The following PHEX variants were observed in gnomAD, a reference collection of about 807,000 sequenced individuals.
PHEX encodes phosphate-regulating neutral endopeptidase PHEX.
PHEX carries 16 observed loss-of-function variants against 68.0 expected under a neutral mutation model. That is an observed-to-expected ratio of 0.24 (90% CI 0.16 to 0.36). PHEX has a LOEUF of 0.36. Ranked by LOEUF, PHEX falls within the 10% of genes least tolerant of loss-of-function variation. PHEX has a pLI of 1.00. For synonymous variants in PHEX, 208 were observed against 205.1 expected, an observed-to-expected ratio of 1.01 and a Z score of -0.12; for missense variants, 480 against 575.5, an observed-to-expected ratio of 0.83 and a Z score of 1.70.
At chrX:22,049,928 C>T (rs1927739395) in intron 3 of PHEX, among the ~76,000 whole-genome samples, 1 of 111,656 alleles carries the variant, frequency 9.0e-6, no homozygotes, top group Non-Finnish European at 1.9e-5. Flanking sequence ...ATAACTTTTT[C>T]CCATCAACTG....
chrX:22,058,782 T>C (rs73635594), intron 3 of PHEX, among the ~76,000 whole-genome samples: 9,577 of 111,858 alleles, frequency 0.086, 572 homozygotes, highest in African/African-American at 0.22. Flanking sequence ...CTTCTCTGGA[T>C]GCCACTTAAA....
At chrX:22,107,232 A>G (rs746430749) in intron 9 of PHEX, among the ~76,000 whole-genome samples, 5 of 111,628 alleles carry the variant, frequency 4.5e-5, no homozygotes, top group African/African-American at 1.6e-4. Flanking sequence ...TGCTTCTCAA[A>G]CCCCAGTATA....
At chrX:22,169,257 C>A (rs1602355287) in intron 13 of PHEX, among the ~76,000 whole-genome samples, 1 of 111,817 alleles carries the variant, frequency 8.9e-6, no homozygotes, top group East Asian at 2.8e-4. Context: ...AATCTTCCTC[C>A]ATTGGGCTCT....
At chrX:22,134,327 A>C (rs771332872) in intron 12 of PHEX, among the ~76,000 whole-genome samples, 2 of 112,743 alleles carry the variant, frequency 1.8e-5, no homozygotes, top group South Asian at 7.3e-4. Flanking sequence ...GCAGTGGCTC[A>C]CGCCTGTAAT....
intron 9 of PHEX, among the ~76,000 whole-genome samples, chrX:22,108,216 G>A (rs1340979772): frequency 9.0e-6 from 1 of 111,671 alleles, no homozygotes; most frequent in Non-Finnish European, 1.9e-5. Flanking sequence ...TTAGTGCAGT[G>A]GTGTCTTAGG....
At chrX:22,053,410 C>G (rs945075652) in intron 3 of PHEX, among the ~76,000 whole-genome samples, 9 of 111,769 alleles carry the variant, frequency 8.1e-5, no homozygotes, top group African/African-American at 2.6e-4. Flanking sequence ...AAGTGAGCAA[C>G]CTGGCTTTGT....
At chrX:22,212,719 C>T (rs754676376) in intron 15 of PHEX, among the ~76,000 whole-genome samples, 185 bp from the exon 16 acceptor site, 1 of 112,011 alleles carries the variant, frequency 8.9e-6, no homozygotes, top group South Asian at 3.7e-4. Flanking sequence ...ACCTTTAATA[C>T]ACTTACTTAT....
intron 3 of PHEX, among the ~76,000 whole-genome samples, chrX:22,060,154 CAAAA>C (rs34000062): frequency 1.4e-5 from 1 of 69,954 alleles, no homozygotes. Context: ...AGCCCTGTCT[CAAAA>C]AAAAAAAAAA....
intron 9 of PHEX, among the ~76,000 whole-genome samples, chrX:22,109,991 T>C (rs2147060244): frequency 8.9e-6 from 1 of 111,812 alleles, no homozygotes; most frequent in East Asian, 2.8e-4. Flanking sequence ...AAAGATAAAA[T>C]CACAGACCTT....
At position 22,032,952 on chromosome X, in the gene PHEX, C is replaced by A; in HGVS notation, c.-54C>A. ...GTCAACGCCTCGCTCTTGAGACCAG[C>A]CACCAAACCACGAAAAGTGACTTTC... On this transcript the variant is annotated 5_prime_UTR_variant, in exon 1 of 22. Coordinates refer to ENST00000379374, the MANE Select transcript of PHEX (RefSeq NM_000444.6). The A allele has an allele frequency of 1.1e-6, 1 of 941,179 alleles. No individual in the cohort carries two copies. The highest frequency in any genetic ancestry group is 1.5e-6 in the Non-Finnish European group (1 of 649,096). 77.6% of individuals were successfully genotyped at this position (941,179 alleles called of 1,213,427 possible). A position where few individuals can be genotyped will look rare whatever the true frequency, so the allele number is the denominator to read the frequency against.
At chrX:22,070,879 T>C (rs975856855) in intron 3 of PHEX, among the ~76,000 whole-genome samples, 9 of 112,238 alleles carry the variant, frequency 8.0e-5, no homozygotes, top group African/African-American at 2.9e-4. Context: ...CAATCAAGGT[T>C]CTTGGTAGGT....
Position 22,190,342 on chromosome X carries a change from C to T in PHEX, c.1587-102C>T, listed in dbSNP as rs1201009629. On this transcript the variant is annotated intron_variant, in intron 14 of 21. Coordinates refer to ENST00000379374, the MANE Select transcript of PHEX (RefSeq NM_000444.6). ...CTCATGTCCAACATCCCCATTGTTC[C>T]ATGTTATCTGCTAATAAACCCAGCC... is the stretch of plus-strand genomic sequence containing the variant. 4 of 589,369 alleles carry T rather than the reference C, an allele frequency of 6.8e-6. No homozygotes were observed. In the East Asian group the frequency reaches 1.3e-4, roughly 19 times the overall value. The allele number at this position is 589,369 out of a possible 1,213,427, so 48.6% of individuals were successfully genotyped here.
At chrX:22,144,268 A>T (rs1231772879) in intron 12 of PHEX, among the ~76,000 whole-genome samples, 1 of 111,342 alleles carries the variant, frequency 9.0e-6, no homozygotes, top group East Asian at 2.8e-4. Flanking sequence ...AACATGCTCC[A>T]TTATAGTGTC....
Position 22,032,587 on chromosome X carries a change from T to G in PHEX, c.-419T>G. 3 of 131,968 alleles carry G rather than the reference T, an allele frequency of 2.3e-5. No homozygotes were observed. The highest frequency in any genetic ancestry group is 4.6e-5 in the Non-Finnish European group (3 of 65,033). 10.9% of individuals were successfully genotyped at this position (131,968 alleles called of 1,213,427 possible). On this transcript the variant is annotated 5_prime_UTR_variant, in exon 1 of 22. Coordinates refer to ENST00000379374, the MANE Select transcript of PHEX (RefSeq NM_000444.6). ...CCTAACTTATCATGATTTGGGGGAG[T>G]TTCACGAGAATCCAGTTTTGATAAA...
chrX:22,237,536 C>G (rs1936024118), intron 20 of PHEX, among the ~76,000 whole-genome samples: 1 of 111,628 alleles, frequency 9.0e-6, no homozygotes, highest in Non-Finnish European at 1.9e-5. Context: ...AATAATCTAA[C>G]TAGCCTCTAA....
At chrX:22,172,825 T>A (rs1434790656) in intron 13 of PHEX, 2 of 111,742 alleles carry the variant, frequency 1.8e-5, no homozygotes, top group Non-Finnish European at 3.8e-5. Context: ...AGGACCAAAG[T>A]CAGAATCATG....
At chrX:22,213,610 T>C (rs1934999896) in intron 16 of PHEX, among the ~76,000 whole-genome samples, 1 of 112,072 alleles carries the variant, frequency 8.9e-6, no homozygotes. Context: ...TGTAGACTCA[T>C]GTAATTCAGA....
At chrX:22,074,210 A>G (rs1929042079) in intron 3 of PHEX, among the ~76,000 whole-genome samples, 1 of 110,225 alleles carries the variant, frequency 9.1e-6, no homozygotes, top group African/African-American at 3.3e-5. Flanking sequence ...ACATGCAGAG[A>G]TACATAAAAT....
At chrX:22,216,469 A>G (rs1359582574) in intron 16 of PHEX, among the ~76,000 whole-genome samples, 1 of 106,516 alleles carries the variant, frequency 9.4e-6, no homozygotes, top group African/African-American at 3.5e-5. Context: ...TGCATTTTAA[A>G]AGGGCGAGTT....
Sources: allele counts gnomAD v4.1 joint callset (sites outside exome capture counted in the v4.1 genomes callset), GRCh38; gene constraint gnomAD v4.1.1; transcripts MANE v1.5; gene names NCBI Gene and HGNC (gene_info 2026-07-23, HGNC 2026-07-21).